The following SLC35F1 variants were observed in gnomAD, a reference collection of about 807,000 sequenced individuals.
The protein encoded by SLC35F1 is solute carrier family 35 member F1.
In SLC35F1, 14 loss-of-function variants were observed where a neutral mutation model predicts 48.7. That is an observed-to-expected ratio of 0.29 (90% CI 0.19 to 0.45). SLC35F1 has a LOEUF of 0.45. SLC35F1 is among the 20% of genes least tolerant of loss of function. SLC35F1 has a pLI of 1.00. For missense variants in SLC35F1, 404 were observed against 500.0 expected, an observed-to-expected ratio of 0.81 and a Z score of 1.83; for synonymous variants, 190 against 202.2, an observed-to-expected ratio of 0.94 and a Z score of 0.51.
rs1776390291 is a variant in SLC35F1, at chr6:117,953,613, T to TA, written c.173+45718dup. ...AGCATGAACAAAACCTCACCCAGTG[T>TA]AAAAGTTGTTGTTTCCCATCTGTGG... On this transcript the variant is annotated intron_variant, in intron 1 of 7. Coordinates refer to ENST00000360388, the MANE Select transcript of SLC35F1 (RefSeq NM_001029858.4). Among the ~76,000 whole-genome samples, 3 of 152,142 alleles carry TA rather than the reference T, an allele frequency of 2.0e-5. No individual in the cohort carries two copies. The East Asian group carries it at 5.8e-4, about 29-fold the overall frequency.
intron 1 of SLC35F1, chr6:117,999,409 T>A: frequency 6.3e-7 from 1 of 1,587,262 alleles, no homozygotes; most frequent in Non-Finnish European, 8.5e-7. Context: ...CAGCTCAGGC[T>A]CCCAAAGGTA....
chr6:118,276,494 C>A (rs1218898600), intron 5 of SLC35F1, among the ~76,000 whole-genome samples: 1 of 152,028 alleles, frequency 6.6e-6, no homozygotes, highest in Non-Finnish European at 1.5e-5. Context: ...AGGCTGTTTT[C>A]AACAATCCAC....
intron 1 of SLC35F1, among the ~76,000 whole-genome samples, chr6:117,920,796 T>C (rs1182264869): frequency 1.3e-5 from 2 of 152,108 alleles, no homozygotes; most frequent in East Asian, 3.9e-4. Flanking sequence ...TTATAAAGTG[T>C]TGGGTCATAA....
rs1228460288 is a variant in SLC35F1 at position 118,314,159 on chromosome 6, G to A, written c.1134G>A (p.Val378=). 6.2e-7 allele frequency: 1 copy of A among 1,614,150 alleles called. No homozygotes were observed. The highest frequency in any genetic ancestry group is 8.5e-7 in the Non-Finnish European group (1 of 1,180,026). ...KQFRNPSGPV[V]DLPTTAQVEP... The stretch of plus-strand genomic sequence containing the variant: ...TCCGCAATCCTTCAGGACCTGTTGT[G>A]GACTTACCGACCACAGCTCAGGTGG... The change falls in exon 8 of 8, where the codon GTG becomes GTA. Residue 378 remains valine, a synonymous_variant. Coordinates refer to ENST00000360388, the MANE Select transcript of SLC35F1 (RefSeq NM_001029858.4).
At chr6:117,940,296 A>C (rs1325421605) in intron 1 of SLC35F1, among the ~76,000 whole-genome samples, 1 of 152,176 alleles carries the variant, frequency 6.6e-6, no homozygotes, top group East Asian at 1.9e-4. Flanking sequence ...TTTTTGTTGA[A>C]GTGCTGATGG....
intron 7 of SLC35F1, among the ~76,000 whole-genome samples, chr6:118,287,557 G>A (rs1290161200): frequency 6.6e-6 from 1 of 152,158 alleles, no homozygotes; most frequent in Non-Finnish European, 1.5e-5. Flanking sequence ...TAAAAATGCA[G>A]ATTTTTGGGC....
intron 2 of SLC35F1, among the ~76,000 whole-genome samples, chr6:118,166,417 C>T (rs1178451288): frequency 1.3e-5 from 2 of 152,142 alleles, no homozygotes; most frequent in Non-Finnish European, 2.9e-5. Context: ...TAGATTTCAA[C>T]GTTTGGCTTA....
intron 2 of SLC35F1, among the ~76,000 whole-genome samples, chr6:118,188,045 A>C (rs964238679): frequency 6.6e-6 from 1 of 152,202 alleles, no homozygotes; most frequent in African/African-American, 2.4e-5. Context: ...CTTGAGCAAT[A>C]ATGCTATGGG....
At chr6:118,006,156 G>C (rs1343512410) in intron 1 of SLC35F1, among the ~76,000 whole-genome samples, 6 of 151,930 alleles carry the variant, frequency 3.9e-5, no homozygotes, top group African/African-American at 1.5e-4. Flanking sequence ...TTTTTGGTTT[G>C]TTTTTAGGAT....
chr6:118,187,076 TTGTAATG>T (rs1403850513), intron 2 of SLC35F1, among the ~76,000 whole-genome samples: 1 of 152,234 alleles, frequency 6.6e-6, no homozygotes, highest in Non-Finnish European at 1.5e-5. Flanking sequence ...TCTCATTTTC[TTGTAATG>T]TGTACAAGTT....
intron 1 of SLC35F1, among the ~76,000 whole-genome samples, chr6:118,154,232 C>T (rs1377717642): frequency 1.3e-5 from 2 of 152,134 alleles, no homozygotes; most frequent in Non-Finnish European, 2.9e-5. Flanking sequence ...TGTGAGCAAA[C>T]TCCTTAACCA....
At chr6:118,130,871 AG>A (rs1773699774) in intron 1 of SLC35F1, among the ~76,000 whole-genome samples, 1 of 152,198 alleles carries the variant, frequency 6.6e-6, no homozygotes, top group Non-Finnish European at 1.5e-5. Flanking sequence ...AAAGCCAATA[AG>A]GAAGGGAGAA....
intron 2 of SLC35F1, among the ~76,000 whole-genome samples, chr6:118,208,960 C>T (rs1774970539): frequency 6.6e-6 from 1 of 152,116 alleles, no homozygotes; most frequent in Non-Finnish European, 1.5e-5. Context: ...TAGAGCTTCT[C>T]TCCTCCAAAG....
chr6:118,269,731 G>GGCAT (rs1775826886), intron 4 of SLC35F1, among the ~76,000 whole-genome samples: 1 of 151,962 alleles, frequency 6.6e-6, no homozygotes, highest in South Asian at 2.1e-4. Context: ...ACATAAGTCA[G>GGCAT]GCATCCAAGT....
At chr6:118,161,373 C>T (rs1774230511) in intron 2 of SLC35F1, among the ~76,000 whole-genome samples, 1 of 151,892 alleles carries the variant, frequency 6.6e-6, no homozygotes, top group Admixed American at 6.6e-5. Flanking sequence ...CCGAGTTCTG[C>T]TCACTCACAG....
At chr6:118,212,238 T>C (rs187178954) in intron 2 of SLC35F1, among the ~76,000 whole-genome samples, 11 of 152,264 alleles carry the variant, frequency 7.2e-5, no homozygotes, top group Non-Finnish European at 1.3e-4. Context: ...TCTTGCATCT[T>C]AAAAAGACTG....
chr6:118,197,984 A>C (rs936253987), intron 2 of SLC35F1, among the ~76,000 whole-genome samples: 2 of 152,182 alleles, frequency 1.3e-5, no homozygotes, highest in Non-Finnish European at 2.9e-5. Context: ...CAGAGGAAAG[A>C]AAATTTTCTT....
intron 2 of SLC35F1, among the ~76,000 whole-genome samples, chr6:118,215,967 T>C (rs1187471109): frequency 6.6e-6 from 1 of 152,336 alleles, no homozygotes; most frequent in African/African-American, 2.4e-5. Context: ...AAGTGTACTT[T>C]GTATCATAGA....
At chr6:118,286,922 T>G (rs544233249) in intron 7 of SLC35F1, among the ~76,000 whole-genome samples, 1 of 152,266 alleles carries the variant, frequency 6.6e-6, no homozygotes, top group East Asian at 1.9e-4. Flanking sequence ...TTACTCATTT[T>G]ATAACTGAAA....
Sources: allele counts gnomAD v4.1 joint callset (sites outside exome capture counted in the v4.1 genomes callset), GRCh38; gene constraint gnomAD v4.1.1; transcripts MANE v1.5; gene names NCBI Gene and HGNC (gene_info 2026-07-23, HGNC 2026-07-21).